WWOX: variants seen among roughly 807,000 people sequenced by gnomAD.
WWOX encodes WW domain-containing oxidoreductase.
In WWOX, 69 loss-of-function variants were observed where a neutral mutation model predicts 46.2. The observed-to-expected ratio is 1.49, with a 90% CI of 1.23 to 1.82. WWOX has a LOEUF of 1.82. WWOX is among the 40% of genes most tolerant of loss of function. The pLI, the probability that WWOX is intolerant of heterozygous loss-of-function variation, is 0.00. For synonymous variants in WWOX, 359 were observed against 202.6 expected, an observed-to-expected ratio of 1.77 and a Z score of -6.56; for missense variants, 919 against 542.6, an observed-to-expected ratio of 1.69 and a Z score of -6.89.
At chr16:78,930,599 T>G (rs2045603418) in intron 8 of WWOX, among the ~76,000 whole-genome samples, 1 of 150,848 alleles carries the variant, frequency 6.6e-6, no homozygotes, top group Non-Finnish European at 1.5e-5. Context: ...CAAGGACTTT[T>G]TTTTTTTTTT....
chr16:78,338,773 C>T (rs2080948508), intron 5 of WWOX, among the ~76,000 whole-genome samples: 1 of 120,814 alleles, frequency 8.3e-6, no homozygotes, highest in South Asian at 2.5e-4. Context: ...CTGTTTTCTT[C>T]TTCCATTTTT....
chr16:78,744,808 A>C (rs1199165201), intron 8 of WWOX, among the ~76,000 whole-genome samples: 1 of 152,172 alleles, frequency 6.6e-6, no homozygotes, highest in Non-Finnish European at 1.5e-5. Context: ...TTAAAAAGTA[A>C]AACTGGTTGG....
chr16:79,045,768 TTTTTTCTTTTCC>T, intron 8 of WWOX, among the ~76,000 whole-genome samples: 1 of 147,332 alleles, frequency 6.8e-6, no homozygotes, highest in South Asian at 2.2e-4. Flanking sequence ...TCGTCTTTCC[TTTTTTCTTTTCC>T]TTTTTTTTTT....
intron 8 of WWOX, among the ~76,000 whole-genome samples, chr16:78,473,269 A>G (rs964356949): frequency 4.6e-5 from 7 of 152,172 alleles, no homozygotes; most frequent in African/African-American, 1.7e-4. Flanking sequence ...GGCTTGGAGT[A>G]TAGACACGTG....
intron 8 of WWOX, among the ~76,000 whole-genome samples, chr16:78,801,527 G>A (rs943811516): frequency 1.3e-5 from 2 of 152,102 alleles, no homozygotes; most frequent in African/African-American, 4.8e-5. Context: ...AGAAACCCTT[G>A]CTATTTTAGC....
At chr16:78,517,459 C>G (rs1394698524) in intron 8 of WWOX, among the ~76,000 whole-genome samples, 1 of 152,190 alleles carries the variant, frequency 6.6e-6, no homozygotes, top group Non-Finnish European at 1.5e-5. Context: ...TTGTTCGACG[C>G]TTCGCATATG....
At chr16:78,295,210 A>G (rs1051367480) in intron 5 of WWOX, among the ~76,000 whole-genome samples, 1 of 152,258 alleles carries the variant, frequency 6.6e-6, no homozygotes, top group East Asian at 1.9e-4. Flanking sequence ...TGCAGATCAG[A>G]TGTGTTAGAG....
chr16:79,110,914 A>G (rs919906015), intron 8 of WWOX: 1 of 152,200 alleles, frequency 6.6e-6, no homozygotes, highest in East Asian at 1.9e-4. Flanking sequence ...GAGAAATGAG[A>G]TATCGAGACA....
At chr16:79,096,016 A>ATT (rs57621801) in intron 8 of WWOX, among the ~76,000 whole-genome samples, 4,010 of 81,920 alleles carry the variant, frequency 0.049, 325 homozygotes, top group African/African-American at 0.18. Context: ...CACCCGGATA[A>ATT]TTTTTTTTTT....
intron 3 of WWOX, among the ~76,000 whole-genome samples, chr16:78,114,402 C>T (rs544225676): frequency 2.0e-5 from 3 of 152,300 alleles, no homozygotes; most frequent in African/African-American, 7.2e-5. Context: ...GCCCAGCCTC[C>T]AGTATATTTT....
intron 8 of WWOX, among the ~76,000 whole-genome samples, chr16:78,683,892 C>G (rs1240256380): frequency 6.6e-6 from 1 of 152,166 alleles, no homozygotes; most frequent in African/African-American, 2.4e-5. Context: ...GCCACCTCTT[C>G]TAAGAAAAAG....
At chr16:78,441,552 G>C (rs979356077) in intron 8 of WWOX, among the ~76,000 whole-genome samples, 1 of 152,176 alleles carries the variant, frequency 6.6e-6, no homozygotes, top group Admixed American at 6.5e-5. Flanking sequence ...GTGTGGGTAT[G>C]TTTGGAGGGA....
intron 8 of WWOX, among the ~76,000 whole-genome samples, chr16:78,741,325 C>T (rs1447467788): frequency 1.3e-5 from 2 of 152,140 alleles, no homozygotes; most frequent in Non-Finnish European, 2.9e-5. Context: ...TTTTGGGAGG[C>T]CAAGGTGGGC....
intron 8 of WWOX, among the ~76,000 whole-genome samples, chr16:78,961,490 T>C (rs891559149): frequency 2.6e-5 from 4 of 151,706 alleles, no homozygotes; most frequent in African/African-American, 9.7e-5. Context: ...GATAGGTAGA[T>C]GGATGGATGC....
chr16:78,276,060 C>A (rs1567473260), intron 5 of WWOX, among the ~76,000 whole-genome samples: 1 of 152,298 alleles, frequency 6.6e-6, no homozygotes, highest in East Asian at 1.9e-4. Flanking sequence ...GTTTCTGAGA[C>A]AGACTGACAG....
chr16:79,002,569 A>G (rs1017408168), intron 8 of WWOX, among the ~76,000 whole-genome samples: 5 of 152,202 alleles, frequency 3.3e-5, no homozygotes, highest in Admixed American at 2.6e-4. Context: ...CCATAGCAGA[A>G]CTAAAGTGAT....
chr16:78,228,339 CTT>C (rs34322106), intron 5 of WWOX, among the ~76,000 whole-genome samples: 1,262 of 111,158 alleles, frequency 0.011, 16 homozygotes, highest in African/African-American at 0.026. Flanking sequence ...CATATTCTCT[CTT>C]TTTTTTTTTT....
chr16:78,497,216 T>G (rs917278226), intron 8 of WWOX, among the ~76,000 whole-genome samples: 9 of 122,018 alleles, frequency 7.4e-5, no homozygotes, highest in African/African-American at 2.4e-4. Context: ...ACCAAATGAT[T>G]CCACAGCACA....
chr16:78,491,288 C>T (rs890084468), intron 8 of WWOX, among the ~76,000 whole-genome samples: 4 of 150,972 alleles, frequency 2.6e-5, no homozygotes, highest in Non-Finnish European at 5.9e-5. Context: ...TGTCTGGTTA[C>T]AAGGTCATCT....
Sources: allele counts gnomAD v4.1 joint callset (sites outside exome capture counted in the v4.1 genomes callset), GRCh38; gene constraint gnomAD v4.1.1; transcripts MANE v1.5; gene names NCBI Gene and HGNC (gene_info 2026-07-23, HGNC 2026-07-21).